TUBGCP5: variants seen among roughly 807,000 people sequenced by gnomAD.
TUBGCP5 encodes gamma-tubulin complex component 5.
In TUBGCP5, 98 loss-of-function variants were observed where a neutral mutation model predicts 134.7. That is an observed-to-expected ratio of 0.73 (90% confidence interval 0.62 to 0.86). The LOEUF (loss-of-function observed/expected upper bound fraction) is 0.86. Among genes scored for constraint, TUBGCP5 ranks in the 40% least tolerant of loss-of-function variants. TUBGCP5 has a pLI of 0.00. For missense variants in TUBGCP5, 1,150 were observed against 1,244.8 expected (o/e 0.92, Z 1.15); for synonymous variants, 456 against 431.4 (o/e 1.06, Z -0.71).
At chr15:23,001,139 T>C (rs2140400939) in intron 21 of TUBGCP5, among the ~76,000 whole-genome samples, 1 of 152,084 alleles carries the variant, frequency 6.6e-6, no homozygotes, top group South Asian at 2.1e-4. Context: ...GCCTCCTGGG[T>C]TCAAGTGATT....
chr15:22,989,021 T>C (rs781270311), intron 23 of TUBGCP5, among the ~76,000 whole-genome samples: 14 of 152,064 alleles, frequency 9.2e-5, no homozygotes, highest in Non-Finnish European at 1.6e-4. Context: ...GGCTCTGCCC[T>C]CAGGCTGCCC....
chr15:23,007,563 G>C (rs547194595), intron 16 of TUBGCP5, among the ~76,000 whole-genome samples: 7 of 152,276 alleles, frequency 4.6e-5, no homozygotes, highest in Admixed American at 4.6e-4. Context: ...GAAGACAAGG[G>C]GGATGTAGGA....
intron 16 of TUBGCP5, among the ~76,000 whole-genome samples, chr15:23,007,748 G>C (rs1357275645): frequency 6.6e-6 from 1 of 152,202 alleles, no homozygotes; most frequent in East Asian, 1.9e-4. Context: ...GAGCCAGACA[G>C]TAAATAGCTT....
intron 16 of TUBGCP5, among the ~76,000 whole-genome samples, chr15:23,007,119 T>C (rs917804840): frequency 5.9e-5 from 9 of 152,144 alleles, no homozygotes; most frequent in Non-Finnish European, 1.5e-5. Context: ...GTCAGAATTT[T>C]TAGCTCTTTG....
At chr15:22,996,068 T>C (rs562885980), downstream of TUBGCP5, among the ~76,000 whole-genome samples, 5 of 152,338 alleles carry the variant, frequency 3.3e-5, no homozygotes, top group East Asian at 9.6e-4. Flanking sequence ...CTTATGAATA[T>C]TCAGATACAA....
At chr15:23,027,729 A>C (rs1474801629) in intron 6 of TUBGCP5, among the ~76,000 whole-genome samples, 1 of 152,106 alleles carries the variant, frequency 6.6e-6, no homozygotes, top group African/African-American at 2.4e-5. Flanking sequence ...CCTGGGTGAC[A>C]CAGTAAGACC....
intron 9 of TUBGCP5, 122 bp from the exon 10 acceptor site, chr15:23,024,315 C>T: frequency 1.9e-6 from 2 of 1,074,478 alleles, no homozygotes; most frequent in Non-Finnish European, 2.6e-6. Flanking sequence ...TAGTAGAAGA[C>T]AAAGTAATAA....
intron 13 of TUBGCP5, 69 bp downstream of exon 13, chr15:23,017,704 A>C: frequency 6.9e-7 from 1 of 1,454,244 alleles, no homozygotes; most frequent in Admixed American, 2.4e-5. Flanking sequence ...ATTAGGTATC[A>C]GGATGACAAG....
chr15:23,014,923 A>G (rs2065230394), intron 13 of TUBGCP5, among the ~76,000 whole-genome samples: 1 of 152,124 alleles, frequency 6.6e-6, no homozygotes, highest in African/African-American at 2.4e-5. Context: ...AAATAAACCT[A>G]TAGGCTGGCC....
intron 6 of TUBGCP5, among the ~76,000 whole-genome samples, chr15:23,029,825 G>A (rs1477969472): frequency 2.0e-5 from 3 of 152,016 alleles, no homozygotes; most frequent in African/African-American, 7.2e-5. Context: ...AGTTTGCAGT[G>A]AGGTGAGATC....
Position 23,039,412 on chromosome 15 carries a change from G to A in TUBGCP5, c.132C>T (p.Ala44=), listed in dbSNP as rs745695595. ...DPNFQLALNF[A]WSNFRFHRFL... ...GTGCCCCACACCTGAAGTTGGACCA[G>A]GCGAAGTTTAGGGCGAGCTGGAAGT... Residue 44 remains alanine, a synonymous_variant, in exon 1 of 23, where the codon GCC becomes GCT. Coordinates refer to ENST00000615383, the MANE Select transcript of TUBGCP5 (RefSeq NM_052903.6). 2.6e-6 allele frequency: 4 copies of A among 1,512,520 alleles called. No homozygotes were observed. The South Asian group carries it at 5.0e-5, about 19-fold the overall frequency. 93.7% of individuals were successfully genotyped at this position (1,512,520 alleles called of 1,614,324 possible). A position where few individuals can be genotyped will look rare whatever the true frequency, so the allele number is the denominator to read the frequency against.
chr15:23,027,067 A>T, intron 7 of TUBGCP5, 125 bp downstream of exon 7: 1 of 768,872 alleles, frequency 1.3e-6, no homozygotes, highest in East Asian at 2.7e-5. Context: ...CCAAAAAAAA[A>T]AGAATTGTCA....
intron 14 of TUBGCP5, among the ~76,000 whole-genome samples, chr15:23,010,797 G>C (rs1252487362): frequency 6.6e-6 from 1 of 151,986 alleles, no homozygotes; most frequent in African/African-American, 2.4e-5. Context: ...TGGCCAACAG[G>C]AGGAAACCCC....
intron 2 of TUBGCP5, 35 bp downstream of exon 2, chr15:23,037,064 T>C: frequency 6.2e-6 from 10 of 1,602,886 alleles, no homozygotes; most frequent in Non-Finnish European, 7.7e-6. Flanking sequence ...AAAATACATA[T>C]ATTTCTGGAT....
intron 3 of TUBGCP5, among the ~76,000 whole-genome samples, chr15:23,036,428 C>T (rs944925668): frequency 1.3e-5 from 2 of 152,222 alleles, no homozygotes; most frequent in African/African-American, 4.8e-5. Context: ...AATCTGTATC[C>T]TTTCACTGTA....
In TUBGCP5 at chr15:23,012,208, C is replaced by T. The variant is rs529700917; in HGVS notation, c.1757-877G>A. Among the ~76,000 whole-genome samples, 21 of 151,560 alleles carry T rather than the reference C, an allele frequency of 1.4e-4. No homozygotes were observed. In the South Asian group the frequency reaches 3.5e-3, roughly 26 times the overall value. The stretch of plus-strand genomic sequence containing the variant: ...ACACTATGGTAACCCTGATAGGAGT[C>T]GCAGTCTCATTGGAAAAAACACTTC... On this transcript the variant is annotated intron_variant, in intron 13 of 22. Transcript: ENST00000615383.
At position 23,013,516 on chromosome 15, in the gene TUBGCP5, G is replaced by C. The variant is rs1373252028; in HGVS notation, c.1757-2185C>G. Among the ~76,000 whole-genome samples the C allele has an allele frequency of 6.6e-6, 1 of 152,140 alleles. No individual in the cohort carries two copies. The highest frequency in any genetic ancestry group is 6.5e-5 in the Admixed American group (1 of 15,276). ...CAGAGGGGGAATGTGACACAGTGTT[G>C]GTGACTGGAGGCCCAGGAGGGCAGT... On this transcript the variant is annotated intron_variant, in intron 13 of 22. Coordinates refer to ENST00000615383, the MANE Select transcript of TUBGCP5 (RefSeq NM_052903.6). This position sits in a 1 kb window ranked among gnomAD's most constrained non-coding sequence, Gnocchi z 4.5.
At chr15:22,992,744 T>C (rs1308885485) in intron 23 of TUBGCP5, among the ~76,000 whole-genome samples, 1 of 152,068 alleles carries the variant, frequency 6.6e-6, no homozygotes, top group Non-Finnish European at 1.5e-5. Flanking sequence ...TTATTGGAAA[T>C]TGAAGGAAGA....
intron 11 of TUBGCP5, among the ~76,000 whole-genome samples, chr15:23,021,712 A>C (rs1367993113): frequency 6.6e-6 from 1 of 152,162 alleles, no homozygotes; most frequent in African/African-American, 2.4e-5. Flanking sequence ...GTTATTGTAA[A>C]TATCTATACA....
Sources: allele counts gnomAD v4.1 joint callset (sites outside exome capture counted in the v4.1 genomes callset), GRCh38; gene constraint gnomAD v4.1.1; non-coding constraint Gnocchi (gnomAD v3.1); transcripts MANE v1.5; gene names NCBI Gene and HGNC (gene_info 2026-07-23, HGNC 2026-07-21).